Variants in RELN observed in about 807,000 individuals in gnomAD.
RELN encodes reelin.
A neutral mutation model predicts 427.6 loss-of-function variants in RELN; 108 were observed. The ratio of observed to expected loss-of-function variants is 0.25; its 90% CI spans 0.22 to 0.30. The LOEUF (loss-of-function observed/expected upper bound fraction) is 0.30, where lower values mean the gene tolerates loss of function less well. RELN is among the 10% of genes least tolerant of loss of function. The pLI is 1.00. For synonymous variants in RELN, 1,524 were observed against 1,513.4 expected (o/e 1.01, Z -0.16); for missense variants, 3,715 against 4,302.8 (o/e 0.86, Z 3.82).
At chr7:103,516,622 A>C (rs1584256921) in intron 49 of RELN, among the ~76,000 whole-genome samples, 1 of 144,388 alleles carries the variant, frequency 6.9e-6, no homozygotes, top group Admixed American at 6.8e-5. Context: ...ATGCTAATCT[A>C]CCTCCCTTTA....
intron 10 of RELN, among the ~76,000 whole-genome samples, chr7:103,686,403 C>T (rs1833765197): frequency 6.6e-6 from 1 of 152,130 alleles, no homozygotes; most frequent in Non-Finnish European, 1.5e-5. Context: ...GCATGGCTTC[C>T]ACCACAGCCA....
chr7:103,489,203 G>T (rs73714408), intron 60 of RELN, among the ~76,000 whole-genome samples: 66 of 147,864 alleles, frequency 4.5e-4, no homozygotes, highest in African/African-American at 1.6e-3. Flanking sequence ...GTCATAAAGG[G>T]GTGTGTGTGT....
intron 64 of RELN, among the ~76,000 whole-genome samples, chr7:103,475,215 AC>A (rs1827992537): frequency 6.6e-6 from 1 of 151,122 alleles, no homozygotes. Context: ...CTATAAGTGA[AC>A]TTTTTTTTTT....
At chr7:103,871,164 G>T (rs996227314) in intron 2 of RELN, among the ~76,000 whole-genome samples, 2 of 152,038 alleles carry the variant, frequency 1.3e-5, no homozygotes, top group Admixed American at 1.3e-4. Flanking sequence ...GTGCCTCAGG[G>T]TTAAATTTAG....
intron 1 of RELN, among the ~76,000 whole-genome samples, chr7:103,984,769 A>G (rs938151617): frequency 9.8e-5 from 15 of 152,314 alleles, no homozygotes; most frequent in African/African-American, 2.9e-4. Context: ...GTTTAAATAC[A>G]CTGATTCCAG....
At chr7:103,797,757 A>G (rs1792344407) in intron 3 of RELN, among the ~76,000 whole-genome samples, 1 of 152,156 alleles carries the variant, frequency 6.6e-6, no homozygotes, top group Non-Finnish European at 1.5e-5. Flanking sequence ...TAAGGGCAGC[A>G]TGAAAATCCG....
chr7:103,919,610 T>C (rs754462250), intron 1 of RELN, among the ~76,000 whole-genome samples: 2 of 152,122 alleles, frequency 1.3e-5, no homozygotes, highest in African/African-American at 2.4e-5. Context: ...AGTGTCTGCC[T>C]CATTCCTTTC....
Position 103,589,845 on chromosome 7 carries a change from C to T in RELN, c.3913-17G>A, listed in dbSNP as rs1406646076. The T allele has an allele frequency of 6.6e-7, 1 of 1,513,196 alleles. No homozygotes were observed. The highest frequency in any genetic ancestry group is 9.2e-7 in the Non-Finnish European group (1 of 1,088,382). The allele number at this position is 1,513,196 out of a possible 1,614,324, so 93.7% of individuals were successfully genotyped here. A position where few individuals can be genotyped will look rare whatever the true frequency, so the allele number is the denominator to read the frequency against. On this transcript the variant is annotated splice_polypyrimidine_tract_variant and intron_variant, in intron 27 of 64. Transcript: ENST00000428762. Reference sequence around the variant, plus strand: ...TATGTTTAGCTGTTAAAAGGAAGGACAAGAATTATACAAGATTTTGGTTCT... The same window carrying T: ...TATGTTTAGCTGTTAAAAGGAAGGATAAGAATTATACAAGATTTTGGTTCT...
At chr7:103,960,691 T>A (rs1354125699) in intron 1 of RELN, among the ~76,000 whole-genome samples, 1 of 152,230 alleles carries the variant, frequency 6.6e-6, no homozygotes, top group Non-Finnish European at 1.5e-5. Flanking sequence ...GATACTTACA[T>A]ATTTCATTGA....
At chr7:103,982,766 G>A (rs1190128080) in intron 1 of RELN, among the ~76,000 whole-genome samples, 1 of 152,140 alleles carries the variant, frequency 6.6e-6, no homozygotes, top group Non-Finnish European at 1.5e-5. Context: ...GGGCACCAGT[G>A]GACATCAATA....
chr7:103,796,492 ATCT>A (rs1467940871), intron 3 of RELN, among the ~76,000 whole-genome samples: 1 of 152,216 alleles, frequency 6.6e-6, no homozygotes, highest in Non-Finnish European at 1.5e-5. Context: ...AATAGAAATA[ATCT>A]TCTTTCCCTG....
chr7:103,812,714 A>G (rs1200415982), intron 3 of RELN, among the ~76,000 whole-genome samples: 1 of 152,170 alleles, frequency 6.6e-6, no homozygotes, highest in Admixed American at 6.6e-5. Flanking sequence ...AGTAACTCCA[A>G]ATGAGCTCTC....
At chr7:103,846,898 G>C (rs180813545) in intron 2 of RELN, among the ~76,000 whole-genome samples, 2 of 152,146 alleles carry the variant, frequency 1.3e-5, no homozygotes, top group African/African-American at 2.4e-5. Flanking sequence ...TTAGAACGGC[G>C]ATCATTAAAG....
intron 3 of RELN, among the ~76,000 whole-genome samples, chr7:103,816,505 T>C (rs262366): frequency 0.51 from 76,538 of 150,766 alleles, 19,672 homozygotes; most frequent in Admixed American, 0.6. Context: ...TTTATAGTGG[T>C]TATCCAGAAC....
chr7:103,553,788 A>G lies in RELN; in HGVS notation c.5841T>C (p.Asp1947=), dbSNP rs774468166. 1.2e-6 allele frequency: 2 copies of G among 1,614,056 alleles called. No homozygotes were observed. The highest frequency in any genetic ancestry group is 1.3e-5 in the African/African-American group (1 of 75,058). ...TCACAGGGTTGTTTACATTATTTCC[A>G]TCGATAATGAAGTCATCAACAATCC... ...EIWIVDDFII[D]GNNVNNPVML... Residue 1947 remains aspartate (D), a synonymous_variant, in exon 39 of 65, where the codon GAT becomes GAC. Coordinates refer to ENST00000428762, the MANE Select transcript of RELN (RefSeq NM_005045.4).
chr7:103,907,909 G>A (rs908790305), intron 2 of RELN, among the ~76,000 whole-genome samples: 10 of 151,824 alleles, frequency 6.6e-5, no homozygotes, highest in East Asian at 5.8e-4. Context: ...TAGGTTTTAC[G>A]CTCCACATGC....
chr7:103,817,393 A>T (rs1422140718), intron 3 of RELN, among the ~76,000 whole-genome samples: 1 of 152,210 alleles, frequency 6.6e-6, no homozygotes, highest in Non-Finnish European at 1.5e-5. Context: ...GGATCTAAAT[A>T]TGTGGCCAGG....
chr7:103,589,858 A>G, intron 27 of RELN, 30 bp from the exon 28 acceptor site: 1 of 1,462,476 alleles, frequency 6.8e-7, no homozygotes, highest in Non-Finnish European at 9.6e-7. Context: ...GAATTATACA[A>G]GATTTTGGTT....
At chr7:103,798,594 G>C (rs1286167778) in intron 3 of RELN, among the ~76,000 whole-genome samples, 1 of 152,282 alleles carries the variant, frequency 6.6e-6, no homozygotes, top group East Asian at 1.9e-4. Context: ...TTAGGGGCCA[G>C]TCATCATTCC....
Sources: gnomAD v4.1 joint callset for allele counts (sites outside exome capture counted in the v4.1 genomes callset) on GRCh38, gnomAD v4.1.1 for gene constraint, MANE v1.5 for transcripts, NCBI Gene and HGNC (gene_info 2026-07-23, HGNC 2026-07-21) for gene names.